Variants in AP2B1 observed in about 807,000 individuals in gnomAD.
AP2B1 encodes adaptor related protein complex 2 subunit beta 1.
In AP2B1, 23 loss-of-function variants were observed where a neutral mutation model predicts 102.0. The ratio of observed to expected loss-of-function variants is 0.23; its 90% confidence interval spans 0.16 to 0.32. AP2B1 has a LOEUF of 0.32. Ranked by LOEUF, AP2B1 falls within the 10% of genes least tolerant of loss-of-function variation. The probability of loss-of-function intolerance (pLI) is 1.00; values close to 1 mark genes in which losing one functional copy is unlikely to be tolerated. For synonymous variants in AP2B1, 381 were observed against 421.2 expected, an observed-to-expected ratio of 0.90 and a Z score of 1.17; for missense variants, 541 against 1,157.4, an observed-to-expected ratio of 0.47 and a Z score of 7.73.
intron 5 of AP2B1, among the ~76,000 whole-genome samples, chr17:35,609,441 G>A (rs750779287): frequency 3.3e-5 from 5 of 151,430 alleles, no homozygotes; most frequent in Non-Finnish European, 7.4e-5. Flanking sequence ...CCGCCTTCCA[G>A]GTTCATGCCA....
chr17:35,654,467 T>C (rs920358492), intron 13 of AP2B1, among the ~76,000 whole-genome samples: 5 of 152,250 alleles, frequency 3.3e-5, no homozygotes, highest in South Asian at 4.1e-4. Flanking sequence ...TTAGCAGTTA[T>C]CAGTATCTTG....
At position 35,608,399 on chromosome 17, in the gene AP2B1, CT is replaced by C. The variant is rs1329508384; in HGVS notation, c.525+13del. 2 of 1,613,446 alleles carry C rather than the reference CT, an allele frequency of 1.2e-6. No homozygotes were observed. On this transcript the variant is annotated intron_variant, in intron 5 of 21. Transcript: ENST00000610402. ...ATTCAAATCCAATGGTAATAAGCTT[CT>C]GCTTTTACAAAGAGAGCAGTATTTA...
Position 35,648,743 on chromosome 17 carries a change from AGT to A in AP2B1, c.1537-1757_1537-1756del, listed in dbSNP as rs10668040. Among the ~76,000 whole-genome samples, 176 of 148,670 alleles carry A rather than the reference AGT, an allele frequency of 1.2e-3. 1 individual carries two copies. The highest frequency in any genetic ancestry group is 2.6e-3 in the Admixed American group (39 of 14,896). On this transcript the variant is annotated intron_variant, in intron 12 of 21. Coordinates refer to ENST00000610402, the MANE Select transcript of AP2B1 (RefSeq NM_001030006.2). ...TATGAAACTGGTTTTATATGAAATA[AGT>A]GTGTGTGTGTGTGTGTGTGTGTGTG...
Position 35,595,506 on chromosome 17 carries a change from C to T in AP2B1, c.37+1439C>T, listed in dbSNP as rs553481772. Among the ~76,000 whole-genome samples the T allele has an allele frequency of 6.6e-5, 10 of 152,006 alleles. No homozygotes were observed. The South Asian group carries it at 1.2e-3, about 19-fold the overall frequency. The stretch of plus-strand genomic sequence containing the variant: ...AGGCTGCAGTGAGTCGTGATTGTGC[C>T]GCTGTACCCCAGCCTAGGCAACAGA... On this transcript the variant is annotated intron_variant, in intron 2 of 21. Coordinates refer to ENST00000610402, the MANE Select transcript of AP2B1 (RefSeq NM_001030006.2).
chr17:35,661,887 G>A (rs946867814), intron 14 of AP2B1, among the ~76,000 whole-genome samples: 3 of 152,056 alleles, frequency 2.0e-5, no homozygotes, highest in African/African-American at 7.3e-5. Flanking sequence ...TTATTAGGTT[G>A]GAGCAAAAGT....
chr17:35,692,009 G>A (rs1325327536), intron 18 of AP2B1, among the ~76,000 whole-genome samples: 1 of 152,156 alleles, frequency 6.6e-6, no homozygotes, highest in Non-Finnish European at 1.5e-5. Context: ...AGTCTACTAA[G>A]CAGTATCTTT....
At chr17:35,657,474 A>G in intron 13 of AP2B1, 125 bp from the exon 14 acceptor site, 1 of 630,200 alleles carries the variant, frequency 1.6e-6, no homozygotes. Flanking sequence ...TTATAAAATC[A>G]GAGAGTTTTT....
chr17:35,690,140 T>C (rs1226044546), intron 18 of AP2B1, among the ~76,000 whole-genome samples: 2 of 152,222 alleles, frequency 1.3e-5, no homozygotes, highest in Non-Finnish European at 2.9e-5. Flanking sequence ...TTAATCTTTT[T>C]TTCTCTCCGT....
chr17:35,590,737 TAAGAC>T (rs1567754448), intron 1 of AP2B1, among the ~76,000 whole-genome samples: 1 of 152,178 alleles, frequency 6.6e-6, no homozygotes, highest in Non-Finnish European at 1.5e-5. Flanking sequence ...ATTTTCTAGT[TAAGAC>T]AAGAACACTT....
intron 5 of AP2B1, among the ~76,000 whole-genome samples, chr17:35,615,148 G>A (rs889183614): frequency 2.6e-5 from 4 of 152,284 alleles, no homozygotes; most frequent in African/African-American, 9.6e-5. Flanking sequence ...ATAGCACTGA[G>A]GCTTCAGAGC....
chr17:35,624,296 T>G, intron 5 of AP2B1, 101 bp from the exon 6 acceptor site: 1 of 1,058,816 alleles, frequency 9.4e-7, no homozygotes, highest in Non-Finnish European at 1.4e-6. Context: ...GGAATGGTTA[T>G]GAATTGAGAT....
intron 9 of AP2B1, among the ~76,000 whole-genome samples, chr17:35,635,173 C>G (rs1005405229): frequency 6.6e-6 from 1 of 152,200 alleles, no homozygotes; most frequent in Admixed American, 6.5e-5. Flanking sequence ...CCTGCCTCAG[C>G]CTCCCAAGTA....
At chr17:35,719,257 T>G (rs1018773114) in intron 21 of AP2B1, among the ~76,000 whole-genome samples, 1 of 152,056 alleles carries the variant, frequency 6.6e-6, no homozygotes, top group Non-Finnish European at 1.5e-5. Context: ...ACATTACTTT[T>G]GGGGGTGGGG....
At chr17:35,707,255 C>T (rs910929537) in intron 18 of AP2B1, among the ~76,000 whole-genome samples, 2 of 150,614 alleles carry the variant, frequency 1.3e-5, no homozygotes, top group African/African-American at 2.4e-5. Flanking sequence ...CAGGTTCAAG[C>T]GATTCTTCTG....
In AP2B1 at chr17:35,722,237, C is replaced by T. The variant is rs1555593412; in HGVS notation, c.2782-1388C>T. 4.6e-5 allele frequency among the ~76,000 whole-genome samples: 7 copies of T among 152,104 alleles called. No individual in the cohort carries two copies. The South Asian group carries it at 1.5e-3, about 32-fold the overall frequency. Reference sequence around the variant, plus strand: ...CCAGCCTGGGTGACAGAGCAAGACTCTGTCTCAAAAAAAGAATTGCTTCAA... The same window carrying T: ...CCAGCCTGGGTGACAGAGCAAGACTTTGTCTCAAAAAAAGAATTGCTTCAA... On this transcript the variant is annotated intron_variant, in intron 21 of 21. Coordinates refer to ENST00000610402, the MANE Select transcript of AP2B1 (RefSeq NM_001030006.2).
In AP2B1 at chr17:35,650,851, C is replaced by T. The variant is rs973538173; in HGVS notation, c.1796+62C>T. ...CTCTTGTTTAGACAGCGTTGCTCTT[C>T]TTTATGCTTTTATAGTCTGGAAAAG... On this transcript the variant is annotated intron_variant, in intron 13 of 21. Coordinates refer to ENST00000610402, the MANE Select transcript of AP2B1 (RefSeq NM_001030006.2). The T allele has an allele frequency of 5.2e-5, 80 of 1,550,262 alleles. 3 individuals are homozygous for T. In the South Asian group the frequency reaches 9.1e-4, roughly 18 times the overall value.
chr17:35,686,419 C>T (rs1392960944), intron 18 of AP2B1, among the ~76,000 whole-genome samples: 2 of 152,294 alleles, frequency 1.3e-5, no homozygotes, highest in East Asian at 3.9e-4. Context: ...AACATTTTCC[C>T]AGTGAACTTC....
At chr17:35,602,742 T>C (rs925885268) in intron 3 of AP2B1, among the ~76,000 whole-genome samples, 10 of 152,350 alleles carry the variant, frequency 6.6e-5, no homozygotes, top group Non-Finnish European at 7.4e-5. Context: ...AGTAGTCACA[T>C]GTGACTAGTG....
chr17:35,608,518 C>A (rs2073760174), intron 5 of AP2B1, 131 bp downstream of exon 5: 2 of 1,123,352 alleles, frequency 1.8e-6, no homozygotes, highest in Non-Finnish European at 2.5e-6. Context: ...CTTTGTGTGT[C>A]TCACAGATTG....
Sources: allele counts gnomAD v4.1 joint callset (sites outside exome capture counted in the v4.1 genomes callset), GRCh38; gene constraint gnomAD v4.1.1; transcripts MANE v1.5; gene names NCBI Gene and HGNC (gene_info 2026-07-23, HGNC 2026-07-21).